GALNTL5: variants seen among roughly 807,000 people sequenced by gnomAD.
The protein encoded by GALNTL5 is polypeptide N-acetylgalactosaminyltransferase like 5, also known as inactive polypeptide N-acetylgalactosaminyltransferase-like protein 5.
Under a neutral mutation model 51.0 loss-of-function variants are expected in GALNTL5, and 44 were observed. That is an observed-to-expected ratio of 0.86 (90% CI 0.68 to 1.11). The LOEUF (loss-of-function observed/expected upper bound fraction) is 1.11. Ranked by LOEUF, GALNTL5 falls within the 50% of genes least tolerant of loss-of-function variation. GALNTL5 has a pLI of 0.00. For missense variants in GALNTL5, 528 were observed against 531.8 expected (o/e 0.99, Z 0.07); for synonymous variants, 192 against 182.8 (o/e 1.05, Z -0.41).
intron 5 of GALNTL5, among the ~76,000 whole-genome samples, chr7:151,992,164 G>A (rs890169160): frequency 6.6e-6 from 1 of 152,078 alleles, no homozygotes; most frequent in African/African-American, 2.4e-5. Context: ...GGGTAGAGTC[G>A]CTTGCATTTT....
chr7:152,005,014 G>A (rs928042488), intron 6 of GALNTL5, among the ~76,000 whole-genome samples: 11 of 152,222 alleles, frequency 7.2e-5, no homozygotes, highest in African/African-American at 1.9e-4. Flanking sequence ...CTTTTAGTTC[G>A]TTGAGAAATC....
chr7:151,963,785 G>C (rs1341126835), intron 1 of GALNTL5, among the ~76,000 whole-genome samples: 1 of 152,162 alleles, frequency 6.6e-6, no homozygotes, highest in Admixed American at 6.5e-5. Context: ...TTGATAGCCT[G>C]TTCCTCTGGT....
rs1455160980 is a variant in GALNTL5 at position 151,967,485 on chromosome 7, C to G, written c.239C>G (p.Ser80Cys). The G allele has an allele frequency of 6.2e-7, 1 of 1,612,128 alleles. No individual in the cohort carries two copies. Among genetic ancestry groups the G allele is most frequent in the East Asian group, 2.2e-5 (1 of 44,856 alleles). The change falls in exon 2 of 9, where the codon TCT becomes TGT. Residue 80 changes from serine to cysteine, a missense_variant. Transcript: ENST00000392800. ...AGGACTGATGAAGATAAAGCAAAGT[C>G]TATGTTAGGTAAGTATTTGGATTTT... is the stretch of plus-strand genomic sequence containing the variant. ...VKRTDEDKAK[S>C]MLGTDFNHTN...
Position 151,991,918 on chromosome 7 carries a change from A to G in GALNTL5, c.658+4637A>G, listed in dbSNP as rs77044604. On this transcript the variant is annotated intron_variant, in intron 5 of 8. Transcript: ENST00000392800. ...ATGATAAATGTCCCCACCCATGGACATTTATTCAGATCTGCTTTTATATTC... is the reference window on the plus strand; with the variant it reads ...ATGATAAATGTCCCCACCCATGGACGTTTATTCAGATCTGCTTTTATATTC... Among the ~76,000 whole-genome samples, 81 of 152,306 alleles carry G rather than the reference A, an allele frequency of 5.3e-4. 4 individuals carry two copies. In the East Asian group the frequency reaches 0.015, roughly 29 times the overall value.
At chr7:151,965,501 G>A (rs928656905) in intron 1 of GALNTL5, among the ~76,000 whole-genome samples, 3 of 152,112 alleles carry the variant, frequency 2.0e-5, no homozygotes, top group Non-Finnish European at 4.4e-5. Context: ...AATATCATGA[G>A]CACTCTGTGT....
At chr7:151,997,103 T>C (rs1028895539) in intron 5 of GALNTL5, among the ~76,000 whole-genome samples, 1 of 152,106 alleles carries the variant, frequency 6.6e-6, no homozygotes, top group Non-Finnish European at 1.5e-5. Context: ...CTACACAGGG[T>C]AAGATGGAGG....
intron 5 of GALNTL5, among the ~76,000 whole-genome samples, chr7:151,992,097 G>T (rs77074790): frequency 0.019 from 2,874 of 152,182 alleles, 97 homozygotes; most frequent in African/African-American, 0.066. Flanking sequence ...AGATCTTTTG[G>T]TATATTTGAT....
intron 3 of GALNTL5, among the ~76,000 whole-genome samples, chr7:151,974,082 CAATT>C (rs2081179805): frequency 6.6e-6 from 1 of 152,128 alleles, no homozygotes; most frequent in African/African-American, 2.4e-5. Context: ...GAACTGTGGT[CAATT>C]AAACCTCTTT....
intron 5 of GALNTL5, among the ~76,000 whole-genome samples, chr7:151,987,605 G>A (rs1251205330): frequency 7.9e-6 from 1 of 126,548 alleles, no homozygotes; most frequent in Non-Finnish European, 1.6e-5. Flanking sequence ...AGAGTGAGGA[G>A]AGCAAGACTG....
chr7:152,013,663 T>C (rs1290917601), intron 7 of GALNTL5, among the ~76,000 whole-genome samples: 1 of 152,148 alleles, frequency 6.6e-6, no homozygotes, highest in South Asian at 2.1e-4. Flanking sequence ...GGGGTATTAT[T>C]TTTAATAATA....
chr7:151,957,685 T>G (rs1202080140), intron 1 of GALNTL5: 2 of 152,230 alleles, frequency 1.3e-5, no homozygotes, highest in Non-Finnish European at 2.9e-5. Context: ...AGGATTCTTT[T>G]GATCATCTGC....
At chr7:151,992,946 G>C (rs1013411968) in intron 5 of GALNTL5, among the ~76,000 whole-genome samples, 15 of 152,186 alleles carry the variant, frequency 9.9e-5, no homozygotes, top group African/African-American at 3.6e-4. Context: ...GTGTTCAAAA[G>C]TAAGATGCGG....
rs181135380 is a variant in GALNTL5, at chr7:152,015,583, C to T, written c.1176+790C>T. Among the ~76,000 whole-genome samples, 190 of 152,124 alleles carry T rather than the reference C, an allele frequency of 1.2e-3. 1 individual carries two copies. Among genetic ancestry groups the T allele is most frequent in the Non-Finnish European group, 2.3e-3 (159 of 68,010 alleles). On this transcript the variant is annotated intron_variant, in intron 8 of 8. Transcript: ENST00000392800. ...CCATGTTGGCCAGGCTGGTCTCAAT[C>T]TCTTGACCTCATGATCCGCCCACCT...
At chr7:151,976,691 T>C (rs35130236) in intron 3 of GALNTL5, among the ~76,000 whole-genome samples, 107,822 of 151,926 alleles carry the variant, frequency 0.71, 38,489 homozygotes, top group South Asian at 0.81. Context: ...TTTTTTGAGA[T>C]GGAATCTCGC....
rs61210832 is a variant in GALNTL5, at chr7:151,962,436, C to CTTTTTTTTTTTTTTTTT, written c.-39-4757_-39-4756insTTTTTTTTTTTTTTTTT. Among the ~76,000 whole-genome samples, 11 of 116,246 alleles carry CTTTTTTTTTTTTTTTTT rather than the reference C, an allele frequency of 9.5e-5. 1 individual carries two copies. Among genetic ancestry groups the CTTTTTTTTTTTTTTTTT allele is most frequent in the East Asian group, 2.4e-4 (1 of 4,110 alleles). 76.3% of individuals were successfully genotyped at this position (116,246 alleles called of 152,430 possible). On this transcript the variant is annotated intron_variant, in intron 1 of 8. Transcript: ENST00000392800. ...AAAAAAGTCTGTGTGATTTTTTTTT[C>CTTTTTTTTTTTTTTTTT]TTTTTTTTTTTTTTTGGTTAATGCA... is the stretch of plus-strand genomic sequence containing the variant.
chr7:151,970,118 G>A (rs2081114435), intron 2 of GALNTL5, among the ~76,000 whole-genome samples: 1 of 139,616 alleles, frequency 7.2e-6, no homozygotes, highest in Admixed American at 7.3e-5. Flanking sequence ...CCCCAAAACT[G>A]AATTCTTTGG....
At position 152,001,287 on chromosome 7, in the gene GALNTL5, T is replaced by C. The variant is rs370328114; in HGVS notation, c.659-1427T>C. Among the ~76,000 whole-genome samples the C allele has an allele frequency of 3.3e-5, 5 of 152,160 alleles. No individual in the cohort carries two copies. In the South Asian group the frequency reaches 8.3e-4, roughly 25 times the overall value. On this transcript the variant is annotated intron_variant, in intron 5 of 8. Coordinates refer to ENST00000392800, the MANE Select transcript of GALNTL5 (RefSeq NM_145292.4). ...TGCTTTTGATGAATTCCAACGTATA[T>C]GTTTTTTCTTATGTCCCCTGTATTT...
chr7:151,978,542 T>C (rs540670768), intron 3 of GALNTL5, among the ~76,000 whole-genome samples: 28 of 152,300 alleles, frequency 1.8e-4, no homozygotes, highest in African/African-American at 6.3e-4. Flanking sequence ...CAGTTGAGAC[T>C]GATGCATGGT....
intron 1 of GALNTL5, among the ~76,000 whole-genome samples, chr7:151,961,762 A>T (rs551444835): frequency 3.9e-5 from 6 of 152,242 alleles, no homozygotes; most frequent in East Asian, 3.9e-4. Context: ...CAAGTGGCTG[A>T]TGTATTCTTG....
Sources: allele counts gnomAD v4.1 joint callset (sites outside exome capture counted in the v4.1 genomes callset), GRCh38; gene constraint gnomAD v4.1.1; transcripts MANE v1.5; gene names NCBI Gene and HGNC (gene_info 2026-07-23, HGNC 2026-07-21).